GAPVD1: variants seen among roughly 807,000 people sequenced by gnomAD.
GAPVD1 encodes GTPase activating protein and VPS9 domains 1, also known as GTPase-activating protein and VPS9 domain-containing protein 1.
GAPVD1 carries 35 observed loss-of-function variants against 155.5 expected under a neutral mutation model. The ratio of observed to expected loss-of-function variants is 0.23; its 90% CI spans 0.17 to 0.30. GAPVD1 has a LOEUF of 0.30. Among genes scored for constraint, GAPVD1 ranks in the 10% least tolerant of loss-of-function variants. The pLI, the probability that GAPVD1 is intolerant of heterozygous loss-of-function variation, is 1.00. For synonymous variants in GAPVD1, 636 were observed against 619.7 expected, an observed-to-expected ratio of 1.03 and a Z score of -0.39; for missense variants, 1,429 against 1,775.7, an observed-to-expected ratio of 0.80 and a Z score of 3.51.
At chr9:125,265,873 G>A (rs993005943) in intron 1 of GAPVD1, among the ~76,000 whole-genome samples, 1 of 143,288 alleles carries the variant, frequency 7.0e-6, no homozygotes, top group East Asian at 2.0e-4. Flanking sequence ...TTCAAGACCA[G>A]CCTGGGCCTC....
intron 1 of GAPVD1, among the ~76,000 whole-genome samples, chr9:125,262,740 A>G (rs1833138672): frequency 6.6e-6 from 1 of 152,158 alleles, no homozygotes; most frequent in Non-Finnish European, 1.5e-5. Context: ...TCATTGATGG[A>G]TAGAATTAGA....
chr9:125,268,194 AC>A (rs34598150), intron 1 of GAPVD1, among the ~76,000 whole-genome samples: 54,114 of 112,476 alleles, frequency 0.48, 11,061 homozygotes, highest in Middle Eastern at 0.55. Context: ...CAAACAAACA[AC>A]CCCCCCCCCC....
intron 9 of GAPVD1, among the ~76,000 whole-genome samples, chr9:125,314,239 G>A (rs58678749): frequency 0.022 from 3,276 of 152,216 alleles, 116 homozygotes; most frequent in African/African-American, 0.075. Flanking sequence ...GTATTCTTTG[G>A]CTGGTCAGGA....
rs990133285 is a variant in GAPVD1, at chr9:125,350,735, A to G, written c.3432A>G (p.Leu1144=). 3.9e-6 allele frequency: 6 copies of G among 1,546,804 alleles called. No individual in the cohort carries two copies. Among genetic ancestry groups the G allele is most frequent in the Non-Finnish European group, 5.4e-6 (6 of 1,120,322 alleles). Residue 1144 remains leucine (L), a synonymous_variant, in exon 23 of 28, where the codon TTA becomes TTG. Transcript: ENST00000297933. ...DPEDNEIVCF[L]KVQIAEAINL... is the part of the protein sequence containing the mutation. ...TAGACAATGAAATTGTATGCTTCTT[A>G]AAAGTTCAAATAGCTGAAGCAATTA...
rs1318540415 is a variant in GAPVD1 at position 125,365,165 on chromosome 9, G to A, written c.*2419G>A. The A allele has an allele frequency of 6.6e-6, 1 of 152,196 alleles. No individual in the cohort carries two copies. The highest frequency in any genetic ancestry group is 2.4e-5 in the African/African-American group (1 of 41,440). 9.4% of individuals were successfully genotyped at this position (152,196 alleles called of 1,614,324 possible). On this transcript the variant is annotated 3_prime_UTR_variant, in exon 28 of 28. Coordinates refer to ENST00000297933, the MANE Select transcript of GAPVD1 (RefSeq NM_001282680.3). ...TGACACCTGTGAAATGGGTTCGGGTGCTCATGACTCCATAGCTGGCGGAGG... is the reference window on the plus strand; with the variant it reads ...TGACACCTGTGAAATGGGTTCGGGTACTCATGACTCCATAGCTGGCGGAGG...
At chr9:125,345,334 C>T (rs1321845654) in intron 19 of GAPVD1, among the ~76,000 whole-genome samples, 1 of 152,126 alleles carries the variant, frequency 6.6e-6, no homozygotes, top group Admixed American at 6.5e-5. Context: ...GCATGCGCCA[C>T]CATGTCCAGC....
intron 1 of GAPVD1, among the ~76,000 whole-genome samples, chr9:125,262,936 T>A (rs1358129228): frequency 6.6e-6 from 1 of 152,082 alleles, no homozygotes; most frequent in Non-Finnish European, 1.5e-5. Flanking sequence ...TGCAGATAGC[T>A]CAGAATATCA....
chr9:125,303,953 A>G (rs1340295933), intron 5 of GAPVD1: 1 of 152,142 alleles, frequency 6.6e-6, no homozygotes, highest in Non-Finnish European at 1.5e-5. Flanking sequence ...TTTGTGTGTC[A>G]TCCTTGCACA....
chr9:125,264,970 T>C (rs1481306930), intron 1 of GAPVD1, among the ~76,000 whole-genome samples: 5 of 152,068 alleles, frequency 3.3e-5, no homozygotes, highest in African/African-American at 1.2e-4. Context: ...CTGCCCGCCT[T>C]GGCCCCCCAG....
In GAPVD1 at chr9:125,298,809, G is replaced by A. The variant is rs537093410; in HGVS notation, c.-32-81G>A. ...GCCCAAATGTAACTGAATTCTTAAA[G>A]TATTCTCCTGTCCCTTTTGATTTTA... On this transcript the variant is annotated intron_variant, in intron 3 of 27. Coordinates refer to ENST00000297933, the MANE Select transcript of GAPVD1 (RefSeq NM_001282680.3). 52 of 625,734 alleles carry A rather than the reference G, an allele frequency of 8.3e-5. No individual in the cohort carries two copies. In the South Asian group the frequency reaches 9.3e-4, roughly 11 times the overall value. 38.8% of individuals were successfully genotyped at this position (625,734 alleles called of 1,614,324 possible). A position where few individuals can be genotyped will look rare whatever the true frequency, so the allele number is the denominator to read the frequency against.
chr9:125,292,952 T>G (rs1201018814), intron 2 of GAPVD1, among the ~76,000 whole-genome samples: 1 of 152,212 alleles, frequency 6.6e-6, no homozygotes, highest in Admixed American at 6.6e-5. Flanking sequence ...AAGGATTATA[T>G]TAACTGTTGC....
intron 9 of GAPVD1, among the ~76,000 whole-genome samples, chr9:125,314,694 C>G (rs1293904005): frequency 6.6e-6 from 1 of 151,242 alleles, no homozygotes; most frequent in Non-Finnish European, 1.5e-5. Context: ...AAAAAAGAAA[C>G]AAAAAGACAA....
At chr9:125,277,168 T>C (rs1564268368) in intron 2 of GAPVD1, among the ~76,000 whole-genome samples, 1 of 152,212 alleles carries the variant, frequency 6.6e-6, no homozygotes, top group Admixed American at 6.5e-5. Context: ...CAGTCATTTT[T>C]AAAATTAATT....
intron 15 of GAPVD1, among the ~76,000 whole-genome samples, chr9:125,334,681 C>G (rs981970446): frequency 2.0e-5 from 3 of 152,066 alleles, no homozygotes; most frequent in Non-Finnish European, 4.4e-5. Context: ...TGGAGGAGTC[C>G]TTGAGCCCAG....
At chr9:125,293,855 TATATATATATATATATA>T (rs1839194708) in intron 2 of GAPVD1, among the ~76,000 whole-genome samples, 3 of 4,228 alleles carry the variant, frequency 7.1e-4, no homozygotes, top group South Asian at 6.4e-3. Context: ...ATATATTTTA[TATATATATATATATATA>T]TATATATATA....
intron 19 of GAPVD1, among the ~76,000 whole-genome samples, chr9:125,342,746 C>T (rs892269413): frequency 9.9e-5 from 15 of 152,206 alleles, no homozygotes; most frequent in Non-Finnish European, 2.1e-4. Flanking sequence ...TTCAGGATCA[C>T]AGTGAAATTC....
At chr9:125,316,761 A>G (rs1448639041) in intron 9 of GAPVD1, among the ~76,000 whole-genome samples, 3 of 152,138 alleles carry the variant, frequency 2.0e-5, no homozygotes, top group African/African-American at 7.2e-5. Context: ...ACACCCAGTA[A>G]TGGGATTGCT....
chr9:125,293,894 A>G (rs1467756070), intron 2 of GAPVD1, among the ~76,000 whole-genome samples: 1 of 92,464 alleles, frequency 1.1e-5, no homozygotes, highest in Non-Finnish European at 2.1e-5. Flanking sequence ...ATATATATAT[A>G]TATATATATA....
chr9:125,343,196 T>C (rs1848064160), intron 19 of GAPVD1, among the ~76,000 whole-genome samples: 1 of 144,588 alleles, frequency 6.9e-6, no homozygotes, highest in Non-Finnish European at 1.5e-5. Context: ...CAGGAACCCT[T>C]TTTTTTTTTT....
Sources: gnomAD v4.1 joint callset for allele counts (sites outside exome capture counted in the v4.1 genomes callset) on GRCh38, gnomAD v4.1.1 for gene constraint, MANE v1.5 for transcripts, NCBI Gene and HGNC (gene_info 2026-07-23, HGNC 2026-07-21) for gene names.